The following NSMAF variants were observed in gnomAD, a reference collection of about 807,000 sequenced individuals.
NSMAF encodes protein FAN.
A neutral mutation model predicts 134.9 loss-of-function variants in NSMAF; 90 were observed. The observed-to-expected ratio is 0.67, with a 90% CI of 0.56 to 0.79. NSMAF has a LOEUF of 0.79. NSMAF is among the 30% of genes least tolerant of loss of function. NSMAF has a pLI of 0.00. For missense variants in NSMAF, 1,010 were observed against 1,119.0 expected, an observed-to-expected ratio of 0.90 and a Z score of 1.39; for synonymous variants, 358 against 389.6, an observed-to-expected ratio of 0.92 and a Z score of 0.96.
intron 23 of NSMAF, among the ~76,000 whole-genome samples, chr8:58,593,891 T>C (rs575961310): frequency 6.6e-6 from 1 of 152,342 alleles, no homozygotes; most frequent in South Asian, 2.1e-4. Flanking sequence ...CATCAATTTC[T>C]GATACAGCAC....
chr8:58,633,936 T>C (rs553088597), intron 5 of NSMAF, among the ~76,000 whole-genome samples: 1 of 152,324 alleles, frequency 6.6e-6, no homozygotes, highest in South Asian at 2.1e-4. Flanking sequence ...TTGGGGGCTT[T>C]ATTCCTAAGC....
intron 9 of NSMAF, 59 bp downstream of exon 9, chr8:58,623,161 G>A: frequency 7.9e-7 from 1 of 1,262,106 alleles, no homozygotes; most frequent in Non-Finnish European, 1.2e-6. Flanking sequence ...TGCTGAATGA[G>A]GCATACAGAT....
intron 28 of NSMAF, 152 bp from the exon 29 acceptor site, chr8:58,586,152 A>G: frequency 2.7e-6 from 2 of 727,682 alleles, no homozygotes; most frequent in South Asian, 3.2e-5. Context: ...TCTCCTTGAA[A>G]TGGTTCTAGC....
At chr8:58,590,605 G>A (rs1021795826) in intron 24 of NSMAF, among the ~76,000 whole-genome samples, 1 of 152,186 alleles carries the variant, frequency 6.6e-6, no homozygotes, top group African/African-American at 2.4e-5. Context: ...CTAAAAAAGG[G>A]AGAGGTTTAT....
At chr8:58,617,333 T>G (rs1356622415) in intron 9 of NSMAF, among the ~76,000 whole-genome samples, 1 of 152,078 alleles carries the variant, frequency 6.6e-6, no homozygotes, top group Non-Finnish European at 1.5e-5. Context: ...ACTAAAGAAC[T>G]TCTGCACAGC....
At chr8:58,649,989 T>C (rs553621683) in intron 1 of NSMAF, among the ~76,000 whole-genome samples, 2 of 152,234 alleles carry the variant, frequency 1.3e-5, no homozygotes, top group Non-Finnish European at 2.9e-5. Context: ...TATGCACACA[T>C]GTTCTTTCAG....
At chr8:58,606,554 T>C (rs966802462) in intron 11 of NSMAF, among the ~76,000 whole-genome samples, 2 of 152,182 alleles carry the variant, frequency 1.3e-5, no homozygotes, top group African/African-American at 4.8e-5. Flanking sequence ...TAGCTAAGGC[T>C]ACAGGCGCAC....
chr8:58,594,912 G>A (rs7015319), intron 22 of NSMAF: 16,260 of 154,254 alleles, frequency 0.11, 1,584 homozygotes, highest in Admixed American at 0.3. Flanking sequence ...CCTGTATGCC[G>A]GAGGGGCTGT....
chr8:58,596,910 G>A (rs1585730151), intron 21 of NSMAF, among the ~76,000 whole-genome samples: 1 of 142,316 alleles, frequency 7.0e-6, no homozygotes. Context: ...CAGCGTGGGG[G>A]ACAAAGCAAG....
At chr8:58,606,109 T>C in intron 11 of NSMAF, 74 bp from the exon 12 acceptor site, 2 of 1,228,190 alleles carry the variant, frequency 1.6e-6, no homozygotes, top group Non-Finnish European at 2.2e-6. Context: ...AAGTATATAA[T>C]TACAAAAACA....
chr8:58,586,744 C>A, intron 27 of NSMAF, 136 bp from the exon 28 acceptor site: 1 of 622,298 alleles, frequency 1.6e-6, no homozygotes, highest in Non-Finnish European at 2.8e-6. Context: ...GTTGCTAATG[C>A]AGATGTATTT....
intron 17 of NSMAF, 33 bp from the exon 18 acceptor site, chr8:58,599,903 A>G (rs1563527144): frequency 6.8e-6 from 11 of 1,613,276 alleles, no homozygotes; most frequent in African/African-American, 1.3e-5. Flanking sequence ...AAAAAGAACA[A>G]CAAACATGTT....
At chr8:58,585,317 G>GTTTTTTTTTTTTT (rs571525208) in intron 30 of NSMAF, among the ~76,000 whole-genome samples, 195 of 144,290 alleles carry the variant, frequency 1.4e-3, no homozygotes, top group African/African-American at 4.6e-3. Flanking sequence ...TTGTTTCTGG[G>GTTTTTTTTTTTTT]TTTTTTTTTT....
At position 58,587,612 on chromosome 8, in the gene NSMAF, A is replaced by G; in HGVS notation, c.2295+6T>C. The G allele has an allele frequency of 6.2e-7, 1 of 1,613,168 alleles. No individual in the cohort carries two copies. The highest frequency in any genetic ancestry group is 1.3e-5 in the African/African-American group (1 of 75,040). ...GTTTTCTGTACAGTTTGTTGCTGGT[A>G]CTCACACTGACATCATGTTCCAGCT... On this transcript the variant is annotated splice_donor_region_variant and intron_variant, in intron 27 of 30. Coordinates refer to ENST00000038176, the MANE Select transcript of NSMAF (RefSeq NM_003580.4).
intron 11 of NSMAF, 111 bp from the exon 12 acceptor site, chr8:58,606,146 T>C: frequency 1.1e-6 from 1 of 925,306 alleles, no homozygotes; most frequent in East Asian, 3.1e-5. Flanking sequence ...TGTTTATTTT[T>C]ATAACTTATA....
chr8:58,607,875 G>A (rs750920213), intron 10 of NSMAF, 35 bp from the exon 11 acceptor site: 4 of 1,529,312 alleles, frequency 2.6e-6, no homozygotes, highest in Non-Finnish European at 3.6e-6. Flanking sequence ...AAACATTATT[G>A]TTCTGACACA....
intron 19 of NSMAF, among the ~76,000 whole-genome samples, chr8:58,598,751 A>G (rs2634488): frequency 0.54 from 82,295 of 151,960 alleles, 23,114 homozygotes; most frequent in Middle Eastern, 0.66. Flanking sequence ...GGCTGGGCGC[A>G]GTGGCTCACA....
At chr8:58,637,612 A>G (rs1013218512) in intron 2 of NSMAF, among the ~76,000 whole-genome samples, 5 of 152,256 alleles carry the variant, frequency 3.3e-5, no homozygotes, top group African/African-American at 1.2e-4. Flanking sequence ...ATTCTATCAA[A>G]AAAACTATTC....
At chr8:58,638,609 C>T (rs1463130979) in intron 2 of NSMAF, among the ~76,000 whole-genome samples, 1 of 152,054 alleles carries the variant, frequency 6.6e-6, no homozygotes, top group African/African-American at 2.4e-5. Flanking sequence ...TACCTCATCC[C>T]ATACATAAAA....
Sources: gnomAD v4.1 joint callset for allele counts (sites outside exome capture counted in the v4.1 genomes callset) on GRCh38, gnomAD v4.1.1 for gene constraint, MANE v1.5 for transcripts, NCBI Gene and HGNC (gene_info 2026-07-23, HGNC 2026-07-21) for gene names.